Variants in ATP8B1 observed in about 807,000 individuals in gnomAD.
The protein encoded by ATP8B1 is phospholipid-transporting ATPase IC.
In ATP8B1, 80 loss-of-function variants were observed where a neutral mutation model predicts 149.9. The observed-to-expected ratio is 0.53, with a 90% CI of 0.45 to 0.64. The LOEUF is 0.64. Ranked by LOEUF, ATP8B1 falls within the 30% of genes least tolerant of loss-of-function variation. The pLI, the probability that ATP8B1 is intolerant of heterozygous loss-of-function variation, is 0.00. For missense variants in ATP8B1, 1,247 were observed against 1,552.6 expected (o/e 0.80, Z 3.31); for synonymous variants, 536 against 562.8 (o/e 0.95, Z 0.67).
chr18:57,743,213 C>T (rs932614563), intron 1 of ATP8B1, among the ~76,000 whole-genome samples: 3 of 151,830 alleles, frequency 2.0e-5, no homozygotes, highest in African/African-American at 7.3e-5. Flanking sequence ...CTATTCAGGC[C>T]CTTTCCACAC....
intron 1 of ATP8B1, among the ~76,000 whole-genome samples, chr18:57,797,399 G>A (rs563244051): frequency 7.9e-5 from 12 of 152,308 alleles, no homozygotes; most frequent in Middle Eastern, 3.4e-3. Context: ...TCTCAATCAC[G>A]CTGTGGGGGA....
At position 57,688,429 on chromosome 18, in the gene ATP8B1, G is replaced by C. The variant is rs202128847; in HGVS notation, c.1299C>G (p.Pro433=). ...TGAGTGTGGTGGTTCTAGCTTTTGCGGGTGTGTCCTTCTCAGCATAGTACA... is the reference window on the plus strand; with the variant it reads ...TGAGTGTGGTGGTTCTAGCTTTTGCCGGTGTGTCCTTCTCAGCATAGTACA... ...LQMYYAEKDT[P]AKARTTTLNE... is the part of the protein sequence containing the mutation. Residue 433 remains proline (P), a synonymous_variant, in exon 13 of 28, where the codon CCC becomes CCG. Transcript: ENST00000648908. The C allele has an allele frequency of 3.1e-6, 5 of 1,614,032 alleles. No individual in the cohort carries two copies. Among genetic ancestry groups the C allele is most frequent in the Admixed American group, 3.3e-5 (2 of 59,986 alleles).
intron 26 of ATP8B1, among the ~76,000 whole-genome samples, chr18:57,651,627 C>T (rs1278469180): frequency 6.6e-6 from 1 of 151,454 alleles, no homozygotes; most frequent in Admixed American, 6.6e-5. Flanking sequence ...TTTTGTTGTG[C>T]TTTGTTTTTT....
At position 57,685,188 on chromosome 18, in the gene ATP8B1, T is replaced by G. The variant is rs550225738; in HGVS notation, c.1430-73A>C. ...GAGGCCCCTCCTTACCTGGCTTTGC[T>G]TATATAGTGATGGTGGTAAGACCAT... is the stretch of plus-strand genomic sequence containing the variant. On this transcript the variant is annotated intron_variant, in intron 13 of 27. Transcript: ENST00000648908. 14 of 1,529,952 alleles carry G rather than the reference T, an allele frequency of 9.2e-6. No individual in the cohort carries two copies. In the East Asian group the frequency reaches 2.9e-4, roughly 32 times the overall value. 94.8% of individuals were successfully genotyped at this position (1,529,952 alleles called of 1,614,324 possible).
intron 1 of ATP8B1, among the ~76,000 whole-genome samples, chr18:57,757,800 C>G (rs1018029588): frequency 2.0e-5 from 3 of 152,148 alleles, no homozygotes; most frequent in Non-Finnish European, 2.9e-5. Context: ...TTTAAAATTT[C>G]TTTGCGAGTT....
chr18:57,654,192 G>C, intron 23 of ATP8B1, 117 bp from the exon 24 acceptor site: 1 of 957,692 alleles, frequency 1.0e-6, no homozygotes. Context: ...TTTTAATAGA[G>C]ATGGGGGTCT....
At chr18:57,770,788 A>G (rs569769265) in intron 1 of ATP8B1, among the ~76,000 whole-genome samples, 3 of 152,356 alleles carry the variant, frequency 2.0e-5, no homozygotes, top group South Asian at 2.1e-4. Context: ...ACATGCCCCA[A>G]TGTTAAGGAC....
intron 1 of ATP8B1, among the ~76,000 whole-genome samples, chr18:57,791,547 T>A (rs1369697991): frequency 1.3e-5 from 2 of 152,010 alleles, no homozygotes; most frequent in African/African-American, 4.8e-5. Context: ...GTTCACCATG[T>A]TGGCCAGGCT....
At chr18:57,673,529 T>C (rs1445415060) in intron 16 of ATP8B1, among the ~76,000 whole-genome samples, 1 of 151,782 alleles carries the variant, frequency 6.6e-6, no homozygotes, top group Non-Finnish European at 1.5e-5. Flanking sequence ...TTTTATTTTC[T>C]TTTTTTATCA....
intron 20 of ATP8B1, among the ~76,000 whole-genome samples, chr18:57,664,069 CTTTTT>C (rs10598901): frequency 2.1e-4 from 28 of 133,750 alleles, no homozygotes; most frequent in Admixed American, 4.5e-4. Flanking sequence ...CTGGCCAGCC[CTTTTT>C]TTTTTTTTTT....
intron 2 of ATP8B1, among the ~76,000 whole-genome samples, chr18:57,726,066 A>G (rs770480119): frequency 6.6e-6 from 1 of 152,114 alleles, no homozygotes; most frequent in Non-Finnish European, 1.5e-5. Flanking sequence ...TGTCTCTACT[A>G]AAATACAAAA....
At chr18:57,653,873 T>C in intron 24 of ATP8B1, 119 bp downstream of exon 24, 1 of 946,860 alleles carries the variant, frequency 1.1e-6, no homozygotes, top group East Asian at 2.6e-5. Context: ...AACAGAATTA[T>C]AATAGGGTTT....
rs749754347 is a variant in ATP8B1 at position 57,701,309 on chromosome 18, A to G, written c.398T>C (p.Val133Ala). Reference protein sequence around the residue: ...YFLALLILQAVPQISTLAWYT... With the variant: ...YFLALLILQAAPQISTLAWYT... Reference sequence around the variant, plus strand: ...CCAAGCCAGGGTAGAGATTTGAGGAACTGCCTAAAAGAATAAAAGGGCTTA... The same window carrying G: ...CCAAGCCAGGGTAGAGATTTGAGGAGCTGCCTAAAAGAATAAAAGGGCTTA... Residue 133 changes from valine (V) to alanine (A), a missense_variant, in exon 5 of 28, where the codon GTT becomes GCT. Physicochemically the swap from Val to Ala is moderately conservative, Grantham distance 64. This residue lies in a region of ATP8B1 where 853 missense variants were observed against 1,035.7 expected (regional missense o/e 0.82). Transcript: ENST00000648908. 2.5e-6 allele frequency: 4 copies of G among 1,613,650 alleles called. No individual in the cohort carries two copies. The African/African-American group carries it at 5.3e-5, about 22-fold the overall frequency.
chr18:57,790,909 A>T (rs1257457240), intron 1 of ATP8B1, among the ~76,000 whole-genome samples: 1 of 152,036 alleles, frequency 6.6e-6, no homozygotes, highest in African/African-American at 2.4e-5. Context: ...TTTAGTAGAG[A>T]TGGGGTTTCA....
At chr18:57,727,735 C>T (rs920586025) in intron 2 of ATP8B1, among the ~76,000 whole-genome samples, 20 of 152,192 alleles carry the variant, frequency 1.3e-4, no homozygotes, top group African/African-American at 3.4e-4. Flanking sequence ...TGCAGTGAGC[C>T]GATATCGCGC....
chr18:57,662,915 G>A (rs1470304503), intron 20 of ATP8B1, among the ~76,000 whole-genome samples: 1 of 152,014 alleles, frequency 6.6e-6, no homozygotes, highest in Non-Finnish European at 1.5e-5. Flanking sequence ...TATCACGCCT[G>A]GCTAATTTTT....
chr18:57,676,362 A>G (rs192533547), intron 15 of ATP8B1, among the ~76,000 whole-genome samples: 33 of 151,164 alleles, frequency 2.2e-4, no homozygotes, highest in Middle Eastern at 3.4e-3. Context: ...GGATCTCACC[A>G]TGTTGCCCAG....
chr18:57,778,139 A>G (rs1345435228), intron 1 of ATP8B1, among the ~76,000 whole-genome samples: 2 of 152,092 alleles, frequency 1.3e-5, no homozygotes, highest in Non-Finnish European at 2.9e-5. Context: ...TTGCCCTTGT[A>G]TTAGTTATCT....
intron 2 of ATP8B1, among the ~76,000 whole-genome samples, chr18:57,709,051 A>C (rs1353640213): frequency 6.6e-6 from 1 of 152,188 alleles, no homozygotes; most frequent in Admixed American, 6.5e-5. Context: ...TTGAACCGCA[A>C]ACACGTTTTT....
Sources: allele counts gnomAD v4.1 joint callset (sites outside exome capture counted in the v4.1 genomes callset), GRCh38; gene constraint gnomAD v4.1.1; regional missense constraint gnomAD v4.1.1; transcripts MANE v1.5; gene names NCBI Gene and HGNC (gene_info 2026-07-23, HGNC 2026-07-21).